HDX: variants seen among roughly 807,000 people sequenced by gnomAD.
HDX encodes chromosome X open reading frame 43.
In HDX, 19 loss-of-function variants were observed where a neutral mutation model predicts 45.2. The ratio of observed to expected loss-of-function variants is 0.42; its 90% CI spans 0.29 to 0.62. The LOEUF is 0.62. HDX is among the 20% of genes least tolerant of loss of function. The pLI is 0.20. For synonymous variants in HDX, 188 were observed against 172.8 expected (o/e 1.09, Z -0.69); for missense variants, 532 against 493.9 (o/e 1.08, Z -0.73).
intron 1 of HDX, among the ~76,000 whole-genome samples, chrX:84,496,735 A>G (rs1205043914): frequency 8.9e-6 from 1 of 111,983 alleles, no homozygotes; most frequent in African/African-American, 3.2e-5. Context: ...TTCAAAAATA[A>G]ATTCATGTGG....
intron 5 of HDX, among the ~76,000 whole-genome samples, chrX:84,394,634 C>T (rs930217483): frequency 9.0e-6 from 1 of 111,193 alleles, no homozygotes; most frequent in African/African-American, 3.3e-5. Flanking sequence ...GTCTATCTCT[C>T]CATTTAAGTG....
intron 1 of HDX, among the ~76,000 whole-genome samples, chrX:84,497,440 T>C (rs2041025227): frequency 9.0e-6 from 1 of 111,688 alleles, no homozygotes; most frequent in African/African-American, 3.3e-5. Flanking sequence ...ATATAATCTA[T>C]GTTTTAATAA....
chrX:84,431,519 T>A (rs1391117536), intron 5 of HDX, among the ~76,000 whole-genome samples: 1 of 111,483 alleles, frequency 9.0e-6, no homozygotes, highest in African/African-American at 3.2e-5. Context: ...ATCTCTTATG[T>A]TTTGATTTTT....
At chrX:84,365,034 T>G (rs1199398993) in intron 5 of HDX, among the ~76,000 whole-genome samples, 1 of 111,763 alleles carries the variant, frequency 8.9e-6, no homozygotes, top group Non-Finnish European at 1.9e-5. Flanking sequence ...GTTCCATATT[T>G]TGGCTATTGT....
At chrX:84,483,598 C>T (rs1348966256) in intron 2 of HDX, among the ~76,000 whole-genome samples, 1 of 112,235 alleles carries the variant, frequency 8.9e-6, no homozygotes, top group African/African-American at 3.2e-5. Context: ...GGCCTCTGCA[C>T]CTCTGATGGG....
chrX:84,376,898 C>T lies in HDX; in HGVS notation c.1306-15286G>A, dbSNP rs1016774954. Among the ~76,000 whole-genome samples the T allele has an allele frequency of 4.5e-5, 5 of 111,638 alleles. 1 individual carries two copies. Among genetic ancestry groups the T allele is most frequent in the East Asian group, 5.7e-4 (2 of 3,525 alleles). On this transcript the variant is annotated intron_variant, in intron 5 of 10. Transcript: ENST00000373177. ...GATTGTAGAGCCCCAGGGCCTAGTG[C>T]GAACATAGACAGTAGCCAGGGAGTG...
At chrX:84,428,040 G>T (rs1357978516) in intron 5 of HDX, among the ~76,000 whole-genome samples, 1 of 110,406 alleles carries the variant, frequency 9.1e-6, no homozygotes, top group Non-Finnish European at 1.9e-5. Context: ...ATGATTAATG[G>T]TATTAAGCAC....
At chrX:84,349,140 G>A (rs2037273374) in intron 6 of HDX, among the ~76,000 whole-genome samples, 1 of 110,795 alleles carries the variant, frequency 9.0e-6, no homozygotes, top group Non-Finnish European at 1.9e-5. Flanking sequence ...TTCCCATGGA[G>A]GTTTCTGCTC....
intron 4 of HDX, among the ~76,000 whole-genome samples, chrX:84,458,251 C>A (rs916826242): frequency 1.8e-5 from 2 of 109,134 alleles, no homozygotes; most frequent in Admixed American, 9.8e-5. Flanking sequence ...GTTCAATCCC[C>A]CAGAAAGCAA....
chrX:84,336,773 T>G, intron 8 of HDX, 28 bp downstream of exon 8: 131 of 960,173 alleles, frequency 1.4e-4, no homozygotes, highest in Non-Finnish European at 1.8e-4. Context: ...AACCATGTAA[T>G]GAGAAAAGAA....
chrX:84,342,460 T>C (rs984839903), intron 7 of HDX, among the ~76,000 whole-genome samples: 6 of 110,744 alleles, frequency 5.4e-5, no homozygotes, highest in Non-Finnish European at 1.1e-4. Flanking sequence ...CAATAAGCAG[T>C]CTCAGATTTG....
intron 6 of HDX, 82 bp from the exon 7 acceptor site, chrX:84,344,539 T>C: frequency 1.7e-6 from 1 of 605,054 alleles, no homozygotes; most frequent in Non-Finnish European, 2.7e-6. Context: ...GAATGAATGC[T>C]GCATAAAATA....
intron 1 of HDX, among the ~76,000 whole-genome samples, chrX:84,493,965 AC>A (rs1256287674): frequency 1.8e-5 from 2 of 111,468 alleles, no homozygotes; most frequent in African/African-American, 6.5e-5. Flanking sequence ...TATCTCATGT[AC>A]CCCATAAATG....
chrX:84,396,601 GGCAATT>G (rs1370657344), intron 5 of HDX, among the ~76,000 whole-genome samples: 1 of 112,290 alleles, frequency 8.9e-6, no homozygotes, highest in Non-Finnish European at 1.9e-5. Flanking sequence ...ATGTGGCATG[GGCAATT>G]GCAGTAGCAT....
At chrX:84,452,647 T>A (rs1472729941) in intron 4 of HDX, among the ~76,000 whole-genome samples, 1 of 109,242 alleles carries the variant, frequency 9.2e-6, no homozygotes, top group Non-Finnish European at 1.9e-5. Context: ...GAGCAATGGA[T>A]CAAAATAGAA....
chrX:84,429,071 T>A (rs2039446557), intron 5 of HDX, among the ~76,000 whole-genome samples: 1 of 110,856 alleles, frequency 9.0e-6, no homozygotes, highest in African/African-American at 3.3e-5. Flanking sequence ...AATAATACAC[T>A]GTTTTTATTC....
intron 5 of HDX, among the ~76,000 whole-genome samples, chrX:84,427,148 A>G (rs1006230789): frequency 3.6e-5 from 4 of 110,727 alleles, no homozygotes; most frequent in Non-Finnish European, 5.7e-5. Context: ...GAAATCAAAT[A>G]TGTATTTTGC....
At chrX:84,417,161 AGAAAGAAAGAAT>A (rs1267498012) in intron 5 of HDX, among the ~76,000 whole-genome samples, 2 of 107,296 alleles carry the variant, frequency 1.9e-5, no homozygotes, top group African/African-American at 3.4e-5. Context: ...AAAGAAAGAA[AGAAAGAAAGAAT>A]GAAAGAAAGA....
chrX:84,445,054 T>C (rs902150193), intron 4 of HDX, among the ~76,000 whole-genome samples: 1 of 112,216 alleles, frequency 8.9e-6, no homozygotes, highest in Non-Finnish European at 1.9e-5. Flanking sequence ...AATTATTTTA[T>C]GTAGTCACAC....
Sources: gnomAD v4.1 joint callset for allele counts (sites outside exome capture counted in the v4.1 genomes callset) on GRCh38, gnomAD v4.1.1 for gene constraint, MANE v1.5 for transcripts, NCBI Gene and HGNC (gene_info 2026-07-23, HGNC 2026-07-21) for gene names.